GRIN2A: variants seen among roughly 807,000 people sequenced by gnomAD.
The protein encoded by GRIN2A is glutamate ionotropic receptor NMDA type subunit 2A, also known as glutamate receptor ionotropic, NMDA 2A.
Under a neutral mutation model 113.4 loss-of-function variants are expected in GRIN2A, and 22 were observed. The ratio of observed to expected loss-of-function variants is 0.19; its 90% CI spans 0.14 to 0.28. The LOEUF (loss-of-function observed/expected upper bound fraction) is 0.28. Ranked by LOEUF, GRIN2A falls within the 10% of genes least tolerant of loss-of-function variation. The probability of loss-of-function intolerance (pLI) is 1.00; values close to 1 mark genes in which losing one functional copy is unlikely to be tolerated. For synonymous variants in GRIN2A, 827 were observed against 738.4 expected, an observed-to-expected ratio of 1.12 and a Z score of -1.94; for missense variants, 1,502 against 1,887.0, an observed-to-expected ratio of 0.80 and a Z score of 3.78.
chr16:10,050,018 G>A (rs970746776), intron 2 of GRIN2A, among the ~76,000 whole-genome samples: 1 of 152,148 alleles, frequency 6.6e-6, no homozygotes, highest in Admixed American at 6.5e-5. Context: ...CCCAATAGAT[G>A]TCTATGTCCC....
chr16:9,824,043 T>C (rs929679966), intron 9 of GRIN2A, among the ~76,000 whole-genome samples: 3 of 152,136 alleles, frequency 2.0e-5, no homozygotes, highest in African/African-American at 7.2e-5. Flanking sequence ...CTAGAAACAT[T>C]ATTCTTTTTT....
intron 11 of GRIN2A, among the ~76,000 whole-genome samples, chr16:9,783,345 C>G (rs1567293418): frequency 6.6e-6 from 1 of 152,254 alleles, no homozygotes; most frequent in Non-Finnish European, 1.5e-5. Context: ...GATAGAAGTG[C>G]TGGCTCAGTC....
chr16:9,763,198 C>A lies in GRIN2A; in HGVS notation c.4346G>T (p.Ser1449Ile). The A allele has an allele frequency of 6.2e-7, 1 of 1,613,916 alleles. No individual in the cohort carries two copies. The highest frequency in any genetic ancestry group is 8.5e-7 in the Non-Finnish European group (1 of 1,179,826). Residue 1449 changes from serine to isoleucine, a missense_variant, in exon 13 of 13, where the codon AGC becomes ATC. Around this residue, in one of 7 missense-constraint regions of GRIN2A, gnomAD observed 832 missense variants for 789.7 expected, o/e 1.05. Coordinates refer to ENST00000330684, the MANE Select transcript of GRIN2A (RefSeq NM_001134407.3). ...CATTTTCTTGTACACGCGTCTATTG[C>A]TGCAGGAATTTAAAACCCTGGGGGT... ...YSTPRVLNSC[S>I]NRRVYKKMPS...
At chr16:10,103,119 C>A (rs1419326877) in intron 2 of GRIN2A, among the ~76,000 whole-genome samples, 1 of 152,090 alleles carries the variant, frequency 6.6e-6, no homozygotes, top group Non-Finnish European at 1.5e-5. Context: ...GACCCACTCG[C>A]AACTATGAGG....
chr16:9,980,300 C>A (rs1265979370), intron 2 of GRIN2A, among the ~76,000 whole-genome samples: 1 of 151,440 alleles, frequency 6.6e-6, no homozygotes, highest in Non-Finnish European at 1.5e-5. Flanking sequence ...CCATCTCATA[C>A]CAGTTAGAAT....
chr16:10,087,827 T>C (rs905957271), intron 2 of GRIN2A, among the ~76,000 whole-genome samples: 4 of 150,734 alleles, frequency 2.7e-5, no homozygotes, highest in African/African-American at 9.8e-5. Context: ...GCTGGGACTA[T>C]AGGCATGCAC....
chr16:10,145,266 A>G (rs528304504), intron 2 of GRIN2A, among the ~76,000 whole-genome samples: 2 of 152,318 alleles, frequency 1.3e-5, no homozygotes, highest in South Asian at 2.1e-4. Flanking sequence ...CATAGTGTCT[A>G]TAGTTAACAA....
intron 2 of GRIN2A, among the ~76,000 whole-genome samples, chr16:10,011,277 A>G (rs1272817574): frequency 6.6e-6 from 1 of 152,224 alleles, no homozygotes; most frequent in African/African-American, 2.4e-5. Context: ...AGATTTGGAG[A>G]TAAGTGGAGA....
chr16:10,158,849 A>G (rs2049755672), intron 2 of GRIN2A, among the ~76,000 whole-genome samples: 1 of 152,358 alleles, frequency 6.6e-6, no homozygotes, highest in Non-Finnish European at 1.5e-5. Flanking sequence ...TGCTGGTCAC[A>G]CAACATTGTG....
At chr16:9,837,423 T>C (rs1422867279) in intron 7 of GRIN2A, among the ~76,000 whole-genome samples, 1 of 152,124 alleles carries the variant, frequency 6.6e-6, no homozygotes. Context: ...AAGATAAAAA[T>C]CTAGAGAAAC....
chr16:10,027,376 C>A (rs78841060), intron 2 of GRIN2A, among the ~76,000 whole-genome samples: 85 of 152,272 alleles, frequency 5.6e-4, no homozygotes, highest in East Asian at 5.4e-3. Context: ...AATGTCCCCC[C>A]CTGCCAGTGC....
intron 2 of GRIN2A, among the ~76,000 whole-genome samples, chr16:9,982,982 AC>A (rs1388548283): frequency 6.6e-6 from 1 of 152,168 alleles, no homozygotes; most frequent in Non-Finnish European, 1.5e-5. Flanking sequence ...TCATACTGAT[AC>A]TTTTTAAATT....
chr16:9,832,354 A>G (rs2042512051), intron 8 of GRIN2A, among the ~76,000 whole-genome samples: 1 of 152,076 alleles, frequency 6.6e-6, no homozygotes, highest in African/African-American at 2.4e-5. Context: ...GACAGATAAA[A>G]TTGTATGTCA....
intron 2 of GRIN2A, among the ~76,000 whole-genome samples, chr16:9,972,554 G>C (rs57497843): frequency 0.11 from 15,990 of 151,976 alleles, 1,002 homozygotes; most frequent in African/African-American, 0.16. Flanking sequence ...AAGGTAGGAA[G>C]CCTCAGAAGA....
intron 2 of GRIN2A, among the ~76,000 whole-genome samples, chr16:9,964,775 C>T (rs2045518083): frequency 6.6e-6 from 1 of 152,148 alleles, no homozygotes; most frequent in Non-Finnish European, 1.5e-5. Context: ...TCCCACCTTG[C>T]TAATCCAGGA....
At chr16:9,966,622 C>A (rs1227240572) in intron 2 of GRIN2A, among the ~76,000 whole-genome samples, 1 of 152,174 alleles carries the variant, frequency 6.6e-6, no homozygotes, top group African/African-American at 2.4e-5. Flanking sequence ...GATCTATATT[C>A]CTTTCGGTAT....
chr16:9,803,415 C>CAA (rs1045822082), intron 10 of GRIN2A, among the ~76,000 whole-genome samples: 1 of 137,742 alleles, frequency 7.3e-6, no homozygotes. Context: ...AACTCCATCT[C>CAA]AAAAAAAAAA....
chr16:10,078,860 G>A (rs1045971595), intron 2 of GRIN2A, among the ~76,000 whole-genome samples: 1 of 151,308 alleles, frequency 6.6e-6, no homozygotes, highest in Non-Finnish European at 1.5e-5. Flanking sequence ...CTGACTGACT[G>A]GCTGACTGAC....
intron 2 of GRIN2A, among the ~76,000 whole-genome samples, chr16:10,172,705 C>A (rs138769655): frequency 6.6e-6 from 1 of 152,348 alleles, no homozygotes; most frequent in East Asian, 1.9e-4. Context: ...CTGACTGTTT[C>A]AAAGCAGCAT....
Sources: allele counts gnomAD v4.1 joint callset (sites outside exome capture counted in the v4.1 genomes callset), GRCh38; gene constraint gnomAD v4.1.1; regional missense constraint gnomAD v4.1.1; transcripts MANE v1.5; gene names NCBI Gene and HGNC (gene_info 2026-07-23, HGNC 2026-07-21).